CHST8: variants seen among roughly 807,000 people sequenced by gnomAD.
CHST8 encodes GALNAC-4-ST1.
Under a neutral mutation model 15.0 loss-of-function variants are expected in CHST8, and 10 were observed. The ratio of observed to expected loss-of-function variants is 0.67; its 90% CI spans 0.41 to 1.13. The LOEUF is 1.13. CHST8 is among the 50% of genes most tolerant of loss of function. CHST8 has a pLI of 0.00. For synonymous variants in CHST8, 259 were observed against 256.6 expected, an observed-to-expected ratio of 1.01 and a Z score of -0.09; for missense variants, 634 against 608.2, an observed-to-expected ratio of 1.04 and a Z score of -0.45.
chr19:33,757,042 A>T (rs550306152), intron 3 of CHST8, among the ~76,000 whole-genome samples: 81 of 152,238 alleles, frequency 5.3e-4, no homozygotes, highest in Middle Eastern at 3.4e-3. Context: ...GTCAGCCCAC[A>T]TGGCCCTGTG....
intron 3 of CHST8, among the ~76,000 whole-genome samples, chr19:33,702,943 T>C (rs1011403546): frequency 6.6e-6 from 1 of 152,196 alleles, no homozygotes; most frequent in Non-Finnish European, 1.5e-5. Context: ...GGCTGGGGGC[T>C]GGGGAGGGAT....
chr19:33,755,336 C>G (rs562825964), intron 3 of CHST8, among the ~76,000 whole-genome samples: 1 of 152,192 alleles, frequency 6.6e-6, no homozygotes, highest in East Asian at 1.9e-4. Flanking sequence ...TAGCAGCCGT[C>G]GTAAGCATCC....
intron 1 of CHST8, among the ~76,000 whole-genome samples, chr19:33,644,908 A>G (rs1047052183): frequency 1.3e-5 from 2 of 152,132 alleles, no homozygotes; most frequent in African/African-American, 4.8e-5. Context: ...GAAGATGTGG[A>G]CCATACAGAT....
Position 33,772,434 on chromosome 19 carries a change from G to T in CHST8, c.646G>T (p.Ala216Ser). 1.2e-6 allele frequency: 2 copies of T among 1,611,438 alleles called. No individual in the cohort carries two copies. Among genetic ancestry groups the T allele is most frequent in the Non-Finnish European group, 1.7e-6 (2 of 1,179,966 alleles). The change falls in exon 5 of 5, where the codon GCC becomes TCC. Residue 216 changes from alanine to serine, a missense_variant. Coordinates refer to ENST00000650847, the MANE Select transcript of CHST8 (RefSeq NM_001127895.2). ...KRVLMVLAGLASSTADIQHNT... is the reference protein window; with the variant it reads ...KRVLMVLAGLSSSTADIQHNT... ...GGTGCTCATGGTGCTGGCCGGCCTG[G>T]CCTCGTCCACTGCCGACATCCAGCA...
At position 33,693,614 on chromosome 19, in the gene CHST8, C is replaced by T. The variant is rs116253129; in HGVS notation, c.130+4223C>T. On this transcript the variant is annotated intron_variant, in intron 3 of 4. Coordinates refer to ENST00000650847, the MANE Select transcript of CHST8 (RefSeq NM_001127895.2). ...CTATTTATTTGAGGAAACCAGGTCA[C>T]GGTTCCTATAGAACTTTCTGTAAAT... 5.6e-3 allele frequency among the ~76,000 whole-genome samples: 853 copies of T among 152,294 alleles called. 7 individuals are homozygous for T. The highest frequency in any genetic ancestry group is 0.018 in the African/African-American group (747 of 41,564).
chr19:33,637,909 A>C (rs1342803640), intron 1 of CHST8, among the ~76,000 whole-genome samples: 1 of 150,990 alleles, frequency 6.6e-6, no homozygotes, highest in Non-Finnish European at 1.5e-5. Context: ...CTGAAGCAGC[A>C]TGCCCCCTCT....
At chr19:33,677,677 A>G (rs2145240404) in intron 2 of CHST8, among the ~76,000 whole-genome samples, 1 of 152,284 alleles carries the variant, frequency 6.6e-6, no homozygotes, top group Non-Finnish European at 1.5e-5. Context: ...GATACATAGC[A>G]TGAGGATGCC....
chr19:33,709,159 C>A (rs1973501697), intron 3 of CHST8, among the ~76,000 whole-genome samples: 1 of 152,186 alleles, frequency 6.6e-6, no homozygotes, highest in East Asian at 1.9e-4. Flanking sequence ...ATGCTCTCTG[C>A]AAATAATGAG....
intron 1 of CHST8, among the ~76,000 whole-genome samples, chr19:33,657,156 C>CACACACACACACACACAA (rs756944119): frequency 6.8e-6 from 1 of 146,402 alleles, no homozygotes; most frequent in African/African-American, 2.7e-5. Flanking sequence ...CACACACACA[C>CACACACACACACACACAA]AAACACACAT....
At chr19:33,714,282 A>G (rs1973618251) in intron 3 of CHST8, among the ~76,000 whole-genome samples, 1 of 152,188 alleles carries the variant, frequency 6.6e-6, no homozygotes, top group Non-Finnish European at 1.5e-5. Flanking sequence ...TCGGTAAAGA[A>G]AATCTGGTAC....
intron 1 of CHST8, among the ~76,000 whole-genome samples, chr19:33,652,644 G>A (rs1972464301): frequency 6.6e-6 from 1 of 151,960 alleles, no homozygotes; most frequent in Non-Finnish European, 1.5e-5. Context: ...CCAAAGTGCT[G>A]GGATTACAGG....
intron 3 of CHST8, among the ~76,000 whole-genome samples, chr19:33,698,398 AAAAAG>A (rs536835622): frequency 0.06 from 8,994 of 149,792 alleles, 892 homozygotes; most frequent in African/African-American, 0.21. Flanking sequence ...GAAAAAAAAA[AAAAAG>A]AAAGAAAGAA....
intron 3 of CHST8, among the ~76,000 whole-genome samples, chr19:33,769,658 A>G (rs1182536660): frequency 2.0e-5 from 3 of 151,682 alleles, no homozygotes; most frequent in Admixed American, 1.3e-4. Flanking sequence ...GGGGGTGGCA[A>G]TGAGCAGCTT....
At chr19:33,727,396 A>C (rs1303410415) in intron 3 of CHST8, among the ~76,000 whole-genome samples, 1 of 151,980 alleles carries the variant, frequency 6.6e-6, no homozygotes, top group African/African-American at 2.4e-5. Flanking sequence ...GTGTGTGTAG[A>C]GTGTGTGCTC....
Position 33,707,276 on chromosome 19 carries a change from ACTC to A in CHST8, c.130+17888_130+17890del, listed in dbSNP as rs202242545. ...GCTGTGTTGCCCAGGCTAGTCTTGA[ACTC>A]CTTGCCTCAAGTGATTCTCCTGCCT... is the stretch of plus-strand genomic sequence containing the variant. On this transcript the variant is annotated intron_variant, in intron 3 of 4. Coordinates refer to ENST00000650847, the MANE Select transcript of CHST8 (RefSeq NM_001127895.2). Among the ~76,000 whole-genome samples the A allele has an allele frequency of 1.3e-4, 20 of 150,888 alleles. No homozygotes were observed. In the East Asian group the frequency reaches 3.7e-3, roughly 28 times the overall value.
At chr19:33,637,296 C>G (rs910320085) in intron 1 of CHST8, among the ~76,000 whole-genome samples, 4 of 152,146 alleles carry the variant, frequency 2.6e-5, no homozygotes, top group African/African-American at 9.7e-5. Context: ...CAGTAGGTCT[C>G]AGCCTCATTT....
chr19:33,728,040 G>A (rs1420783154), intron 3 of CHST8, among the ~76,000 whole-genome samples: 2 of 152,270 alleles, frequency 1.3e-5, no homozygotes, highest in African/African-American at 2.4e-5. Context: ...AAGTGCCTTC[G>A]CTCCCACGGC....
chr19:33,757,929 C>T (rs1974636567), intron 3 of CHST8, among the ~76,000 whole-genome samples: 2 of 152,076 alleles, frequency 1.3e-5, no homozygotes, highest in African/African-American at 4.8e-5. Flanking sequence ...TTCTCTTGCC[C>T]CAGCCCTTGG....
chr19:33,724,781 G>C (rs1437153782), intron 3 of CHST8, among the ~76,000 whole-genome samples: 1 of 152,158 alleles, frequency 6.6e-6, no homozygotes, highest in Non-Finnish European at 1.5e-5. Flanking sequence ...GCACAGAGAG[G>C]CCCACTCCGG....
Sources: gnomAD v4.1 joint callset for allele counts (sites outside exome capture counted in the v4.1 genomes callset) on GRCh38, gnomAD v4.1.1 for gene constraint, MANE v1.5 for transcripts, NCBI Gene and HGNC (gene_info 2026-07-23, HGNC 2026-07-21) for gene names.